LRP1B: variants seen among roughly 807,000 people sequenced by gnomAD.
LRP1B encodes LDL receptor related protein 1B.
In LRP1B, 217 loss-of-function variants were observed where a neutral mutation model predicts 556.6. The ratio of observed to expected loss-of-function variants is 0.39; its 90% CI spans 0.35 to 0.44. LRP1B has a LOEUF of 0.44. Ranked by LOEUF, LRP1B falls within the 20% of genes least tolerant of loss-of-function variation. The pLI is 1.00. For missense variants in LRP1B, 5,053 were observed against 5,620.8 expected, an observed-to-expected ratio of 0.90 and a Z score of 3.23; for synonymous variants, 2,047 against 1,865.8, an observed-to-expected ratio of 1.10 and a Z score of -2.50.
chr2:140,702,861 T>A (rs1399546426), intron 37 of LRP1B, among the ~76,000 whole-genome samples: 3 of 152,096 alleles, frequency 2.0e-5, no homozygotes, highest in Non-Finnish European at 4.4e-5. Flanking sequence ...ACTTTTCATA[T>A]CTCAACTATT....
At chr2:140,820,089 T>G (rs993313595) in intron 31 of LRP1B, among the ~76,000 whole-genome samples, 5 of 152,142 alleles carry the variant, frequency 3.3e-5, no homozygotes, top group African/African-American at 1.2e-4. Context: ...AACCTCTGCC[T>G]CCCGGGCTCA....
At chr2:140,838,650 T>G (rs1691998182) in intron 31 of LRP1B, among the ~76,000 whole-genome samples, 1 of 152,106 alleles carries the variant, frequency 6.6e-6, no homozygotes, top group South Asian at 2.1e-4. Flanking sequence ...TTTTCCCAGA[T>G]TCAAAAAATG....
intron 35 of LRP1B, among the ~76,000 whole-genome samples, chr2:140,760,352 C>T (rs1264531348): frequency 6.6e-6 from 1 of 152,162 alleles, no homozygotes; most frequent in Non-Finnish European, 1.5e-5. Context: ...GCATCCCTGG[C>T]TTTCATTCAA....
chr2:140,782,040 G>A (rs1452384466), intron 32 of LRP1B, among the ~76,000 whole-genome samples: 2 of 138,680 alleles, frequency 1.4e-5, no homozygotes, highest in Non-Finnish European at 3.1e-5. Context: ...AATCATATTT[G>A]TTCATCTCAC....
chr2:140,597,953 A>G (rs1682508626), intron 43 of LRP1B, among the ~76,000 whole-genome samples: 1 of 152,132 alleles, frequency 6.6e-6, no homozygotes, highest in African/African-American at 2.4e-5. Flanking sequence ...TGGTAGGGAC[A>G]TGGGTCCAGA....
intron 7 of LRP1B, among the ~76,000 whole-genome samples, chr2:141,160,910 C>A (rs1386856510): frequency 6.6e-6 from 1 of 151,662 alleles, no homozygotes. Flanking sequence ...GCATGTGAAT[C>A]TGAATAGTGG....
chr2:140,801,416 A>G (rs1690506055), intron 32 of LRP1B, among the ~76,000 whole-genome samples: 1 of 152,152 alleles, frequency 6.6e-6, no homozygotes, highest in Non-Finnish European at 1.5e-5. Flanking sequence ...AAGAAGGAAC[A>G]GTTTACCCGG....
chr2:140,569,193 A>G (rs557795593), intron 43 of LRP1B, among the ~76,000 whole-genome samples: 3 of 152,134 alleles, frequency 2.0e-5, no homozygotes, highest in Non-Finnish European at 4.4e-5. Context: ...ACAATTTAAA[A>G]AACAACAGGA....
At chr2:140,819,849 T>C (rs1691259459) in intron 31 of LRP1B, among the ~76,000 whole-genome samples, 1 of 152,176 alleles carries the variant, frequency 6.6e-6, no homozygotes, top group Admixed American at 6.5e-5. Context: ...AGTGGTAATG[T>C]AAAATGGTAA....
intron 1 of LRP1B, among the ~76,000 whole-genome samples, chr2:141,878,317 A>G (rs993652379): frequency 9.2e-5 from 14 of 151,938 alleles, no homozygotes; most frequent in African/African-American, 3.4e-4. Flanking sequence ...ACAACTGTAA[A>G]GAGCTTTACT....
chr2:140,246,965 C>T (rs1442198711), intron 87 of LRP1B, 121 bp downstream of exon 87: 9 of 654,996 alleles, frequency 1.4e-5, no homozygotes, highest in Middle Eastern at 2.8e-4. Flanking sequence ...ACCTCAATTG[C>T]AGTGGATCTC....
At chr2:141,701,483 C>T (rs1558813947) in intron 2 of LRP1B, among the ~76,000 whole-genome samples, 1 of 151,734 alleles carries the variant, frequency 6.6e-6, no homozygotes, top group Non-Finnish European at 1.5e-5. Flanking sequence ...ATTCTTATGT[C>T]CCTTGACTCA....
rs1361412390 is a variant in LRP1B, at chr2:140,748,591, G to GTGTGTATATA, written c.5758+20621_5758+20622insTATATACACA. 2.9e-4 allele frequency among the ~76,000 whole-genome samples: 21 copies of GTGTGTATATA among 73,328 alleles called. No individual in the cohort carries two copies. The East Asian group carries it at 4.1e-3, about 14-fold the overall frequency. The allele number at this position is 73,328 out of a possible 152,430, so 48.1% of individuals were successfully genotyped here. On this transcript the variant is annotated intron_variant, in intron 35 of 90. Transcript: ENST00000389484. ...AAACATAGTTATACATATACAGTGTGTATATATATATATATATATATATAT... is the reference window on the plus strand; with the variant it reads ...AAACATAGTTATACATATACAGTGTGTGTGTATATATATATATATATATATATATATATAT...
intron 7 of LRP1B, among the ~76,000 whole-genome samples, chr2:141,141,308 T>G (rs981549420): frequency 7.9e-5 from 12 of 152,206 alleles, no homozygotes; most frequent in African/African-American, 2.7e-4. Context: ...ATATTTTATC[T>G]GTTTAAAATT....
intron 18 of LRP1B, among the ~76,000 whole-genome samples, chr2:140,965,491 G>C (rs1043773193): frequency 6.6e-6 from 1 of 151,984 alleles, no homozygotes; most frequent in South Asian, 2.1e-4. Flanking sequence ...ATGATTCAGA[G>C]TATCTATACA....
At chr2:141,917,660 C>A (rs1287789790) in intron 1 of LRP1B, among the ~76,000 whole-genome samples, 3 of 152,164 alleles carry the variant, frequency 2.0e-5, no homozygotes, top group African/African-American at 4.8e-5. Flanking sequence ...AGATCCAATT[C>A]GTTGGATGTT....
At chr2:140,328,856 C>CT (rs1225353036) in intron 79 of LRP1B, among the ~76,000 whole-genome samples, 1 of 151,904 alleles carries the variant, frequency 6.6e-6, no homozygotes, top group East Asian at 1.9e-4. Context: ...TGATGGTAAA[C>CT]TAAATTCAAA....
chr2:141,120,369 GT>G (rs1263127957), intron 7 of LRP1B, among the ~76,000 whole-genome samples: 2 of 151,720 alleles, frequency 1.3e-5, no homozygotes, highest in Admixed American at 6.6e-5. Context: ...AGTAATAAGG[GT>G]TTTTTAAAAT....
At chr2:140,391,168 C>G (rs138995563) in intron 66 of LRP1B, among the ~76,000 whole-genome samples, 1 of 152,098 alleles carries the variant, frequency 6.6e-6, no homozygotes, top group South Asian at 2.1e-4. Flanking sequence ...ATATTCATAA[C>G]ATTGAATATT....
Sources: allele counts gnomAD v4.1 joint callset (sites outside exome capture counted in the v4.1 genomes callset), GRCh38; gene constraint gnomAD v4.1.1; transcripts MANE v1.5; gene names NCBI Gene and HGNC (gene_info 2026-07-23, HGNC 2026-07-21).